The following DACH1 variants were observed in gnomAD, a reference collection of about 807,000 sequenced individuals.
The protein encoded by DACH1 is dachshund family transcription factor 1.
A neutral mutation model predicts 54.2 loss-of-function variants in DACH1; 12 were observed. The ratio of observed to expected loss-of-function variants is 0.22; its 90% CI spans 0.14 to 0.36. The LOEUF is 0.36. Ranked by LOEUF, DACH1 falls within the 10% of genes least tolerant of loss-of-function variation. The pLI, the probability that DACH1 is intolerant of heterozygous loss-of-function variation, is 1.00. For synonymous variants in DACH1, 386 were observed against 366.2 expected, an observed-to-expected ratio of 1.05 and a Z score of -0.62; for missense variants, 805 against 929.8, an observed-to-expected ratio of 0.87 and a Z score of 1.75.
Position 71,702,909 on chromosome 13 carries a change from T to C in DACH1, c.849-20999A>G, listed in dbSNP as rs150323743. ...TCATATTAAAGAGACTTGCCACTCT[T>C]ATTCAGGAGCTAATTAGGAATATAT... is the stretch of plus-strand genomic sequence containing the variant. On this transcript the variant is annotated intron_variant, in intron 1 of 10. Transcript: ENST00000613252. 8.0e-3 allele frequency among the ~76,000 whole-genome samples: 1,226 copies of C among 152,320 alleles called. 5 individuals are homozygous for C. The highest frequency in any genetic ancestry group is 0.012 in the Non-Finnish European group (812 of 68,014).
intron 6 of DACH1, among the ~76,000 whole-genome samples, chr13:71,554,567 T>C (rs1180126958): frequency 6.6e-6 from 1 of 152,110 alleles, no homozygotes; most frequent in African/African-American, 2.4e-5. Context: ...GGTCAGAAAA[T>C]TCCACCTTTG....
intron 1 of DACH1, among the ~76,000 whole-genome samples, chr13:71,799,940 G>A (rs1043541075): frequency 6.6e-6 from 1 of 152,052 alleles, no homozygotes; most frequent in African/African-American, 2.4e-5. Context: ...ATCAGTTTAT[G>A]GATACTTTTT....
At chr13:71,851,246 T>C (rs1873639536) in intron 1 of DACH1, among the ~76,000 whole-genome samples, 1 of 152,236 alleles carries the variant, frequency 6.6e-6, no homozygotes, top group Non-Finnish European at 1.5e-5. Flanking sequence ...CTGATTTAGG[T>C]TTTTGTTTCA....
chr13:71,848,274 A>G (rs917547209), intron 1 of DACH1, among the ~76,000 whole-genome samples: 3 of 152,150 alleles, frequency 2.0e-5, no homozygotes, highest in Non-Finnish European at 4.4e-5. Context: ...TGCTTCTCAA[A>G]AATTTAACCA....
chr13:71,618,389 G>C (rs1362228338), intron 3 of DACH1, among the ~76,000 whole-genome samples: 1 of 151,984 alleles, frequency 6.6e-6, no homozygotes, highest in African/African-American at 2.4e-5. Flanking sequence ...TGTTGCCAAA[G>C]CTGTTATAAA....
chr13:71,842,650 G>T (rs749524007), intron 1 of DACH1, among the ~76,000 whole-genome samples: 37 of 151,876 alleles, frequency 2.4e-4, no homozygotes, highest in Admixed American at 1.5e-3. Context: ...GAAAAGAATG[G>T]CATGAATTCC....
intron 1 of DACH1, among the ~76,000 whole-genome samples, chr13:71,825,270 C>T (rs1245064950): frequency 6.6e-6 from 1 of 151,982 alleles, no homozygotes; most frequent in Admixed American, 6.6e-5. Flanking sequence ...TAACTCACTC[C>T]TTTATCCAAG....
At chr13:71,591,858 T>C (rs1417762796) in intron 3 of DACH1, among the ~76,000 whole-genome samples, 1 of 146,206 alleles carries the variant, frequency 6.8e-6, no homozygotes, top group East Asian at 1.9e-4. Context: ...AGAACAAGAT[T>C]AAAAAGTTAC....
intron 3 of DACH1, among the ~76,000 whole-genome samples, chr13:71,627,865 A>T (rs1179969949): frequency 2.0e-5 from 3 of 152,102 alleles, no homozygotes; most frequent in Non-Finnish European, 4.4e-5. Flanking sequence ...ATGGAAAAGC[A>T]GGTGGAAGCA....
chr13:71,786,477 C>A (rs1246983259), intron 1 of DACH1, among the ~76,000 whole-genome samples: 1 of 152,050 alleles, frequency 6.6e-6, no homozygotes, highest in Non-Finnish European at 1.5e-5. Flanking sequence ...TCTAATGATT[C>A]AACCCTATTG....
At chr13:71,513,643 C>A (rs1328428262) in intron 6 of DACH1, among the ~76,000 whole-genome samples, 1 of 151,938 alleles carries the variant, frequency 6.6e-6, no homozygotes, top group East Asian at 1.9e-4. Flanking sequence ...TCAAAGTAAA[C>A]CATGATTATT....
At chr13:71,837,748 G>GCAAAGACTGGGAAC in intron 1 of DACH1, among the ~76,000 whole-genome samples, 1 of 139,574 alleles carries the variant, frequency 7.2e-6, no homozygotes, top group East Asian at 4.4e-4. Context: ...ATTCACAATA[G>GCAAAGACTGGGAAC]CAACCCAAAT....
intron 6 of DACH1, among the ~76,000 whole-genome samples, chr13:71,532,875 T>TGTGTCACACACACA (rs1882507046): frequency 6.6e-6 from 1 of 151,944 alleles, no homozygotes. Context: ...ATTTTCTAGT[T>TGTGTCACACACACA]AATAAATATA....
At chr13:71,615,364 CCAAG>C (rs1177324215) in intron 3 of DACH1, among the ~76,000 whole-genome samples, 1 of 152,074 alleles carries the variant, frequency 6.6e-6, no homozygotes, top group East Asian at 1.9e-4. Context: ...CCCAGTTAAA[CCAAG>C]CTTATTAAGG....
chr13:71,687,798 C>CAAAA (rs1881259753), intron 1 of DACH1, among the ~76,000 whole-genome samples: 1 of 152,014 alleles, frequency 6.6e-6, no homozygotes, highest in African/African-American at 2.4e-5. Flanking sequence ...TTGTAAAGAG[C>CAAAA]GAGTTTCACC....
intron 10 of DACH1, among the ~76,000 whole-genome samples, chr13:71,451,535 C>T (rs950154234): frequency 6.6e-6 from 1 of 152,070 alleles, no homozygotes; most frequent in Non-Finnish European, 1.5e-5. Flanking sequence ...CACAGCCCCA[C>T]TGGGATAGTA....
chr13:71,858,140 T>C (rs952895338), intron 1 of DACH1, among the ~76,000 whole-genome samples: 4 of 151,754 alleles, frequency 2.6e-5, no homozygotes, highest in Non-Finnish European at 5.9e-5. Flanking sequence ...AAATATTTAC[T>C]GCAAATGCTT....
intron 1 of DACH1, among the ~76,000 whole-genome samples, chr13:71,819,104 A>G (rs966926202): frequency 6.6e-6 from 1 of 152,246 alleles, no homozygotes; most frequent in Middle Eastern, 3.4e-3. Flanking sequence ...AAGGGAGAGG[A>G]GATCAACCAG....
chr13:71,816,582 G>GTA (rs1327765083), intron 1 of DACH1, among the ~76,000 whole-genome samples: 8 of 138,388 alleles, frequency 5.8e-5, no homozygotes, highest in South Asian at 2.2e-4. Context: ...ATATATACAC[G>GTA]TATATATATA....
Sources: allele counts gnomAD v4.1 joint callset (sites outside exome capture counted in the v4.1 genomes callset), GRCh38; gene constraint gnomAD v4.1.1; transcripts MANE v1.5; gene names NCBI Gene and HGNC (gene_info 2026-07-23, HGNC 2026-07-21).